The following AK9 variants were observed in gnomAD, a reference collection of about 807,000 sequenced individuals.
The protein encoded by AK9 is adenylate kinase 9, also known as adenylate kinase domain containing 1.
Under a neutral mutation model 239.6 loss-of-function variants are expected in AK9, and 191 were observed. The ratio of observed to expected loss-of-function variants is 0.80; its 90% CI spans 0.71 to 0.90. The LOEUF is 0.90. AK9 is among the 40% of genes least tolerant of loss of function. The pLI, the probability that AK9 is intolerant of heterozygous loss-of-function variation, is 0.00. For missense variants in AK9, 1,995 were observed against 2,214.7 expected (o/e 0.90, Z 1.99); for synonymous variants, 689 against 721.0 (o/e 0.96, Z 0.71).
intron 24 of AK9, among the ~76,000 whole-genome samples, chr6:109,553,050 T>G (rs1216981124): frequency 6.6e-6 from 1 of 152,206 alleles, no homozygotes; most frequent in Non-Finnish European, 1.5e-5. Context: ...CTCTGTTCTA[T>G]TCCATTGGTC....
intron 35 of AK9, among the ~76,000 whole-genome samples, chr6:109,502,058 C>T (rs1450838552): frequency 1.3e-5 from 2 of 152,118 alleles, no homozygotes; most frequent in African/African-American, 4.8e-5. Context: ...CACTGGAAGC[C>T]ACAGGGTGGG....
At chr6:109,524,520 C>T (rs1445977818) in intron 29 of AK9, among the ~76,000 whole-genome samples, 1 of 152,084 alleles carries the variant, frequency 6.6e-6, no homozygotes, top group Non-Finnish European at 1.5e-5. Context: ...TACACCATAA[C>T]CAAACTGTTG....
chr6:109,621,891 ATT>A (rs1794861834), intron 12 of AK9, among the ~76,000 whole-genome samples: 1 of 102,290 alleles, frequency 9.8e-6, no homozygotes, highest in African/African-American at 3.4e-5. Flanking sequence ...TTAAAGTATA[ATT>A]AAAAAAAAAA....
At chr6:109,565,999 GAA>G (rs2128186288) in intron 21 of AK9, among the ~76,000 whole-genome samples, 1 of 152,146 alleles carries the variant, frequency 6.6e-6, no homozygotes, top group Non-Finnish European at 1.5e-5. Flanking sequence ...ACAAACCATG[GAA>G]GAGAAAAGAA....
intron 18 of AK9, 64 bp downstream of exon 18, chr6:109,585,852 A>G: frequency 6.8e-7 from 1 of 1,460,764 alleles, no homozygotes; most frequent in Non-Finnish European, 9.2e-7. Context: ...TCCGTTCTAT[A>G]TTTAACCAAA....
intron 12 of AK9, among the ~76,000 whole-genome samples, chr6:109,629,397 C>T (rs75508920): frequency 5.3e-5 from 8 of 152,086 alleles, no homozygotes; most frequent in Non-Finnish European, 1.0e-4. Flanking sequence ...GATCACCAAA[C>T]AATTAATATT....
At chr6:109,635,581 G>C (rs1410545458) in intron 10 of AK9, among the ~76,000 whole-genome samples, 1 of 152,158 alleles carries the variant, frequency 6.6e-6, no homozygotes, top group Non-Finnish European at 1.5e-5. Flanking sequence ...CACAGCCAAG[G>C]TAGCGGGGCA....
chr6:109,628,604 A>T (rs1050943703), intron 12 of AK9, among the ~76,000 whole-genome samples: 2 of 152,324 alleles, frequency 1.3e-5, no homozygotes, highest in East Asian at 3.9e-4. Flanking sequence ...AACAGTTTTT[A>T]AAACTTCCCA....
intron 21 of AK9, among the ~76,000 whole-genome samples, chr6:109,566,673 T>C (rs560317531): frequency 7.9e-5 from 12 of 152,100 alleles, no homozygotes; most frequent in African/African-American, 1.2e-4. Context: ...GCCATGTGTA[T>C]GCAAAGGCAT....
intron 10 of AK9, among the ~76,000 whole-genome samples, chr6:109,635,916 TGCAGC>T (rs1796652920): frequency 6.6e-6 from 1 of 152,198 alleles, no homozygotes; most frequent in Non-Finnish European, 1.5e-5. Flanking sequence ...GCCCCTGCAA[TGCAGC>T]TGTTAAATTT....
chr6:109,596,286 T>C (rs1197404104), intron 17 of AK9, among the ~76,000 whole-genome samples: 1 of 152,174 alleles, frequency 6.6e-6, no homozygotes, highest in Non-Finnish European at 1.5e-5. Flanking sequence ...CCCACCTACA[T>C]GTCTTCCAAT....
chr6:109,610,239 T>C, intron 17 of AK9, 126 bp downstream of exon 17: 2 of 1,175,052 alleles, frequency 1.7e-6, no homozygotes, highest in South Asian at 1.5e-5. Context: ...CTACAAAATG[T>C]ACATGAATTT....
intron 12 of AK9, among the ~76,000 whole-genome samples, chr6:109,621,751 G>A (rs1794837027): frequency 7.0e-6 from 1 of 143,730 alleles, no homozygotes; most frequent in Non-Finnish European, 1.5e-5. Flanking sequence ...GTGGGGAGGG[G>A]GGATGGGGGA....
At chr6:109,556,262 T>A (rs145840856) in intron 24 of AK9, among the ~76,000 whole-genome samples, 1 of 152,332 alleles carries the variant, frequency 6.6e-6, no homozygotes, top group East Asian at 1.9e-4. Flanking sequence ...TATTTCTCCT[T>A]TGCTTATGAA....
intron 12 of AK9, among the ~76,000 whole-genome samples, chr6:109,627,468 C>T (rs1202908086): frequency 6.6e-6 from 1 of 152,078 alleles, no homozygotes; most frequent in African/African-American, 2.4e-5. Flanking sequence ...ATGTGCTATG[C>T]TTTTATACAT....
At chr6:109,511,060 G>GTTTT (rs200285676) in intron 32 of AK9, among the ~76,000 whole-genome samples, 3 of 123,174 alleles carry the variant, frequency 2.4e-5, no homozygotes, top group Non-Finnish European at 3.6e-5. Context: ...AAATCTGCTT[G>GTTTT]TTTTTTTTTT....
Position 109,550,310 on chromosome 6 carries a change from C to A in AK9, c.2752-8G>T. On this transcript the variant is annotated splice_polypyrimidine_tract_variant and splice_region_variant and intron_variant, in intron 24 of 40. Transcript: ENST00000424296. Reference sequence around the variant, plus strand: ...CTTCATTTTATCTTCACCCTAGAAACGGTATTCAAAGTTTGGAGAACATTA... The same window carrying A: ...CTTCATTTTATCTTCACCCTAGAAAAGGTATTCAAAGTTTGGAGAACATTA... The A allele has an allele frequency of 6.2e-7, 1 of 1,600,076 alleles. No individual in the cohort carries two copies. The highest frequency in any genetic ancestry group is 1.7e-4 in the Middle Eastern group (1 of 6,010).
intron 12 of AK9, 178 bp downstream of exon 12, chr6:109,632,745 G>A: frequency 7.7e-7 from 1 of 1,306,386 alleles, no homozygotes; most frequent in Non-Finnish European, 9.8e-7. Context: ...CAAAAAGAAT[G>A]CCTACCCTAC....
intron 38 of AK9, among the ~76,000 whole-genome samples, chr6:109,495,965 C>G (rs913739677): frequency 6.6e-6 from 1 of 151,270 alleles, no homozygotes; most frequent in African/African-American, 2.4e-5. Flanking sequence ...ATTTAAACAT[C>G]TTCATAATTC....
Sources: gnomAD v4.1 joint callset for allele counts (sites outside exome capture counted in the v4.1 genomes callset) on GRCh38, gnomAD v4.1.1 for gene constraint, MANE v1.5 for transcripts, NCBI Gene and HGNC (gene_info 2026-07-23, HGNC 2026-07-21) for gene names.